The following AVL9 variants were observed in gnomAD, a reference collection of about 807,000 sequenced individuals.
AVL9 encodes AVL9 cell migration associated.
Under a neutral mutation model 79.2 loss-of-function variants are expected in AVL9, and 49 were observed. The ratio of observed to expected loss-of-function variants is 0.62; its 90% confidence interval spans 0.49 to 0.79. The LOEUF (loss-of-function observed/expected upper bound fraction) is 0.79. Among genes scored for constraint, AVL9 ranks in the 30% least tolerant of loss-of-function variants. The probability of loss-of-function intolerance (pLI) is 0.00; values close to 1 mark genes in which losing one functional copy is unlikely to be tolerated. For synonymous variants in AVL9, 299 were observed against 280.6 expected (o/e 1.07, Z -0.65); for missense variants, 682 against 776.8 (o/e 0.88, Z 1.45).
At chr7:32,541,833 G>A (rs1789224385) in intron 1 of AVL9, among the ~76,000 whole-genome samples, 1 of 151,832 alleles carries the variant, frequency 6.6e-6, no homozygotes, top group African/African-American at 2.4e-5. Context: ...TCCTGCCTCA[G>A]CCTCCTGAGT....
intron 11 of AVL9, among the ~76,000 whole-genome samples, chr7:32,570,402 T>C (rs986000887): frequency 7.9e-5 from 12 of 152,122 alleles, no homozygotes; most frequent in African/African-American, 2.9e-4. Flanking sequence ...ATTTGTACAA[T>C]ATCAAACAGC....
intron 11 of AVL9, among the ~76,000 whole-genome samples, chr7:32,572,994 T>C (rs1379381758): frequency 3.3e-5 from 5 of 152,152 alleles, no homozygotes; most frequent in Non-Finnish European, 5.9e-5. Flanking sequence ...TTTATGTGTG[T>C]ATTTTCTAAA....
intron 10 of AVL9, among the ~76,000 whole-genome samples, chr7:32,568,004 G>A (rs978033432): frequency 6.6e-6 from 1 of 151,910 alleles, no homozygotes; most frequent in Non-Finnish European, 1.5e-5. Context: ...ACAGGTGTGA[G>A]CCATCGCGCC....
intron 1 of AVL9, among the ~76,000 whole-genome samples, chr7:32,505,498 A>C (rs1405324502): frequency 6.9e-6 from 1 of 144,666 alleles, no homozygotes; most frequent in Admixed American, 7.1e-5. Flanking sequence ...ACTCCAGCCT[A>C]GGCAACAAGA....
chr7:32,511,046 G>A, intron 1 of AVL9, among the ~76,000 whole-genome samples: 1 of 140,954 alleles, frequency 7.1e-6, no homozygotes. Context: ...TGAGCCGTCA[G>A]GTCTGGTTGT....
chr7:32,523,736 C>CT (rs57458179), intron 1 of AVL9, among the ~76,000 whole-genome samples: 66,498 of 125,382 alleles, frequency 0.53, 17,894 homozygotes, highest in South Asian at 0.57. Context: ...CTTTTCTTTT[C>CT]TTTTTTTTTT....
At chr7:32,559,549 C>T in intron 10 of AVL9, 85 bp downstream of exon 10, 1 of 1,405,706 alleles carries the variant, frequency 7.1e-7, no homozygotes, top group Non-Finnish European at 9.5e-7. Context: ...TGGTATTCAA[C>T]ACATTTTCAG....
intron 1 of AVL9, among the ~76,000 whole-genome samples, chr7:32,521,944 GA>G (rs1788174623): frequency 6.6e-6 from 1 of 152,222 alleles, no homozygotes. Flanking sequence ...TCAGAGGGTG[GA>G]AGCCCCAAGC....
rs1022551477 is a variant in AVL9, at chr7:32,553,773, G to A, written c.570+6G>A. The A allele has an allele frequency of 1.9e-6, 3 of 1,604,088 alleles. No homozygotes were observed. Among genetic ancestry groups the A allele is most frequent in the African/African-American group, 2.7e-5 (2 of 74,752 alleles). On this transcript the variant is annotated splice_donor_region_variant and intron_variant, in intron 7 of 15. Transcript: ENST00000318709. ...TCCTTCATTTTCGACACAAGGTATG[G>A]TACCTTATTTAAATAAATTTATGAT...
chr7:32,558,567 T>G lies in AVL9; in HGVS notation c.618T>G (p.Phe206Leu). ...GATTGACTCCATTCCAGGTTCTTTTTTATATTTCTCCAGTGAATAAATTGG... is the reference window on the plus strand; with the variant it reads ...GATTGACTCCATTCCAGGTTCTTTTGTATATTTCTCCAGTGAATAAATTGG... ...KLILLEKKVL[F>L]YISPVNKLVG... Residue 206 changes from phenylalanine to leucine, a missense_variant, in exon 9 of 16, where the codon TTT becomes TTG. Transcript: ENST00000318709. 6.2e-7 allele frequency: 1 copy of G among 1,610,436 alleles called. No homozygotes were observed. Among genetic ancestry groups the G allele is most frequent in the East Asian group, 2.2e-5 (1 of 44,798 alleles).
chr7:32,541,701 C>T (rs1201282269), intron 1 of AVL9, among the ~76,000 whole-genome samples: 2 of 149,768 alleles, frequency 1.3e-5, no homozygotes, highest in African/African-American at 4.9e-5. Context: ...GTTATTTATG[C>T]CTCACCTTCA....
intron 11 of AVL9, among the ~76,000 whole-genome samples, chr7:32,572,525 G>A (rs1025642857): frequency 3.3e-5 from 5 of 150,590 alleles, no homozygotes; most frequent in African/African-American, 5.0e-5. Context: ...GTATCTGGCC[G>A]GGCATGGTGG....
intron 1 of AVL9, among the ~76,000 whole-genome samples, chr7:32,510,370 C>T (rs1359386732): frequency 1.3e-5 from 2 of 151,312 alleles, no homozygotes; most frequent in Non-Finnish European, 2.9e-5. Flanking sequence ...TGAGGGAAAC[C>T]ATCTCCCCAG....
intron 1 of AVL9, among the ~76,000 whole-genome samples, chr7:32,542,191 T>C (rs939629457): frequency 1.6e-4 from 24 of 151,530 alleles, no homozygotes; most frequent in Admixed American, 3.3e-4. Flanking sequence ...GTCCTTTTTT[T>C]TTTTTTTTGG....
At chr7:32,546,563 C>CGGGGCACTT (rs1789514279) in intron 3 of AVL9, among the ~76,000 whole-genome samples, 1 of 152,178 alleles carries the variant, frequency 6.6e-6, no homozygotes, top group Non-Finnish European at 1.5e-5. Flanking sequence ...TGGCTCACAC[C>CGGGGCACTT]TGTAATCCTA....
rs1422947493 is a variant in AVL9, at chr7:32,584,811, C to T, written c.*904C>T. 1 of 143,314 alleles carries T rather than the reference C, an allele frequency of 7.0e-6. No individual in the cohort carries two copies. The highest frequency in any genetic ancestry group is 2.1e-4 in the East Asian group (1 of 4,794). 8.9% of individuals were successfully genotyped at this position (143,314 alleles called of 1,614,324 possible). ...GGGGGGCGGGGTCTCACTCTATCGC[C>T]CAGGCTGGAGTGCAGTGGTGCCATC... On this transcript the variant is annotated 3_prime_UTR_variant, in exon 16 of 16. Transcript: ENST00000318709.
At position 32,558,546 on chromosome 7, in the gene AVL9, G is replaced by A; in HGVS notation, c.610-13G>A. 9 of 1,593,378 alleles carry A rather than the reference G, an allele frequency of 5.6e-6. No individual in the cohort carries two copies. Among genetic ancestry groups the A allele is most frequent in the Middle Eastern group, 1.7e-4 (1 of 5,740 alleles). ...TGGGTCTTCTAATTTGATTTTGATT[G>A]ACTCCATTCCAGGTTCTTTTTTATA... On this transcript the variant is annotated splice_polypyrimidine_tract_variant and intron_variant, in intron 8 of 15. Transcript: ENST00000318709.
At chr7:32,508,226 A>G (rs530912012) in intron 1 of AVL9, among the ~76,000 whole-genome samples, 1 of 152,294 alleles carries the variant, frequency 6.6e-6, no homozygotes, top group African/African-American at 2.4e-5. Flanking sequence ...GTGGTCAACT[A>G]TATTAGTCTT....
At position 32,495,581 on chromosome 7, in the gene AVL9, C is replaced by T; in HGVS notation, c.-129C>T. 2.0e-6 allele frequency: 1 copy of T among 502,480 alleles called. No homozygotes were observed. Among genetic ancestry groups the T allele is most frequent in the East Asian group, 3.5e-5 (1 of 28,402 alleles). The allele number at this position is 502,480 out of a possible 1,614,324, so 31.1% of individuals were successfully genotyped here. A position where few individuals can be genotyped will look rare whatever the true frequency, so the allele number is the denominator to read the frequency against. On this transcript the variant is annotated 5_prime_UTR_variant, in exon 1 of 16. Transcript: ENST00000318709. ...CGGGAGCTGCTTTGCCTCCACCGAT[C>T]TCCCTGTGCGGCCCTCATGTGCTGT... is the stretch of plus-strand genomic sequence containing the variant.
Sources: allele counts gnomAD v4.1 joint callset (sites outside exome capture counted in the v4.1 genomes callset), GRCh38; gene constraint gnomAD v4.1.1; transcripts MANE v1.5; gene names NCBI Gene and HGNC (gene_info 2026-07-23, HGNC 2026-07-21).